SNX29: variants seen among roughly 807,000 people sequenced by gnomAD.
The protein encoded by SNX29 is sorting nexin 29.
A neutral mutation model predicts 102.1 loss-of-function variants in SNX29; 78 were observed. That is an observed-to-expected ratio of 0.76 (90% CI 0.64 to 0.92). SNX29 has a LOEUF of 0.92. Among genes scored for constraint, SNX29 ranks in the 40% least tolerant of loss-of-function variants. The probability of loss-of-function intolerance (pLI) is 0.00; values close to 1 mark genes in which losing one functional copy is unlikely to be tolerated. For missense variants in SNX29, 1,280 were observed against 1,061.7 expected (o/e 1.21, Z -2.86); for synonymous variants, 580 against 414.5 (o/e 1.40, Z -4.85).
chr16:12,135,409 C>G, intron 13 of SNX29: 4 of 788,776 alleles, frequency 5.1e-6, no homozygotes, highest in Non-Finnish European at 7.3e-6. Flanking sequence ...GGATGGCAGC[C>G]CACCCAGGCC....
intron 11 of SNX29, among the ~76,000 whole-genome samples, chr16:12,123,299 A>G (rs1183828030): frequency 6.6e-6 from 1 of 152,046 alleles, no homozygotes; most frequent in Non-Finnish European, 1.5e-5. Flanking sequence ...AGGACACTCA[A>G]AGTCTGCTCT....
At chr16:12,566,993 A>G (rs17821897) in intron 20 of SNX29, among the ~76,000 whole-genome samples, 15,786 of 152,320 alleles carry the variant, frequency 0.1, 1,038 homozygotes, top group South Asian at 0.14. Flanking sequence ...GTCCCTGGAA[A>G]GGTGCAACGC....
intron 11 of SNX29, among the ~76,000 whole-genome samples, chr16:12,110,396 AC>A (rs1325365009): frequency 6.6e-6 from 1 of 152,176 alleles, no homozygotes; most frequent in African/African-American, 2.4e-5. Flanking sequence ...CTTAGAACAG[AC>A]TTTTTCCTTT....
At chr16:12,349,635 A>T (rs1390191482) in intron 15 of SNX29, among the ~76,000 whole-genome samples, 1 of 152,182 alleles carries the variant, frequency 6.6e-6, no homozygotes, top group African/African-American at 2.4e-5. Context: ...TCAAAATCCA[A>T]AATACTTCTG....
At chr16:12,320,743 C>T (rs2080905409) in intron 15 of SNX29, among the ~76,000 whole-genome samples, 1 of 152,140 alleles carries the variant, frequency 6.6e-6, no homozygotes, top group Non-Finnish European at 1.5e-5. Flanking sequence ...ACAACATCAC[C>T]ATGCATTGTG....
rs1041419307 is a variant in SNX29 at position 12,571,533 on chromosome 16, C to G, written c.*2904C>G. 1 of 873,884 alleles carries G rather than the reference C, an allele frequency of 1.1e-6. No homozygotes were observed. Among genetic ancestry groups the G allele is most frequent in the Non-Finnish European group, 1.4e-6 (1 of 705,142 alleles). 54.1% of individuals were successfully genotyped at this position (873,884 alleles called of 1,614,324 possible). On this transcript the variant is annotated 3_prime_UTR_variant, in exon 21 of 21. Transcript: ENST00000566228. ...AAGGGCCTTGGATTCCTGGGACCAC[C>G]CTTTGCTGGGAGGAAGAATCCACAC...
intron 19 of SNX29, among the ~76,000 whole-genome samples, chr16:12,510,025 G>C (rs2089543099): frequency 6.6e-6 from 1 of 152,230 alleles, no homozygotes; most frequent in Non-Finnish European, 1.5e-5. Context: ...TCTTTGGCTT[G>C]GTTCGCCCAG....
intron 14 of SNX29, among the ~76,000 whole-genome samples, chr16:12,200,325 C>A (rs537497050): frequency 1.2e-4 from 18 of 152,252 alleles, no homozygotes; most frequent in African/African-American, 4.3e-4. Flanking sequence ...CTTCTAAAAT[C>A]TCCTAAAATA....
At chr16:12,229,987 C>G (rs1209657031) in intron 14 of SNX29, among the ~76,000 whole-genome samples, 1 of 152,242 alleles carries the variant, frequency 6.6e-6, no homozygotes, top group African/African-American at 2.4e-5. Context: ...AGATGGGTCT[C>G]TGTCACAACT....
intron 20 of SNX29, chr16:12,557,509 ACAC>A (rs750151267): frequency 6.6e-6 from 1 of 152,218 alleles, no homozygotes; most frequent in South Asian, 2.1e-4. Flanking sequence ...TTACAGGAAC[ACAC>A]CACCTCTCCC....
chr16:12,143,873 TCCAG>T (rs1041247246), intron 13 of SNX29, among the ~76,000 whole-genome samples: 3 of 152,182 alleles, frequency 2.0e-5, no homozygotes, highest in African/African-American at 7.2e-5. Flanking sequence ...AATGGTTATG[TCCAG>T]GCTGCCCTCC....
chr16:12,544,382 CGTT>C (rs1354484824), intron 20 of SNX29, among the ~76,000 whole-genome samples: 1 of 152,118 alleles, frequency 6.6e-6, no homozygotes, highest in Non-Finnish European at 1.5e-5. Flanking sequence ...GAGTGGAAGG[CGTT>C]GTGAGGTGGT....
chr16:12,324,832 G>C (rs1039447017), intron 15 of SNX29, among the ~76,000 whole-genome samples: 8 of 152,106 alleles, frequency 5.3e-5, no homozygotes, highest in African/African-American at 1.9e-4. Context: ...AACCTCCCAG[G>C]CTACCCAAAC....
intron 20 of SNX29, among the ~76,000 whole-genome samples, chr16:12,539,412 G>C (rs184517289): frequency 2.6e-5 from 4 of 152,264 alleles, no homozygotes; most frequent in East Asian, 3.9e-4. Flanking sequence ...CCGTCAAGTC[G>C]TTGGGTGAGT....
chr16:12,553,828 C>T (rs980121453), intron 20 of SNX29, among the ~76,000 whole-genome samples: 3 of 151,848 alleles, frequency 2.0e-5, no homozygotes, highest in Non-Finnish European at 4.4e-5. Context: ...CCTTGTGATC[C>T]ACCCACCTAG....
chr16:12,527,109 C>T (rs1265900629), intron 20 of SNX29: 1 of 463,640 alleles, frequency 2.2e-6, no homozygotes, highest in Non-Finnish European at 4.2e-6. Context: ...AATAAAAGCT[C>T]TTTGGCTTTC....
At chr16:12,289,388 C>A (rs1345090777) in intron 15 of SNX29, among the ~76,000 whole-genome samples, 1 of 152,230 alleles carries the variant, frequency 6.6e-6, no homozygotes, top group African/African-American at 2.4e-5. Flanking sequence ...AATTGTGCCT[C>A]TGTGCAGGCA....
chr16:11,997,250 C>G (rs1031773122), intron 1 of SNX29, among the ~76,000 whole-genome samples: 1 of 152,156 alleles, frequency 6.6e-6, no homozygotes, highest in Non-Finnish European at 1.5e-5. Context: ...ACCTCCGAGC[C>G]TCTCCCCTTG....
chr16:12,277,771 A>G lies in SNX29; in HGVS notation c.1679-162A>G, dbSNP rs140214886. 4.1e-3 allele frequency among the ~76,000 whole-genome samples: 625 copies of G among 152,176 alleles called. 6 individuals are homozygous for G. The highest frequency in any genetic ancestry group is 4.8e-3 in the Non-Finnish European group (325 of 67,994). ...CTCGTTTTATTGTACTTAGGTGAAA[A>G]TGTCCCATTGTTGAAGTAGTTAGTA... is the stretch of plus-strand genomic sequence containing the variant. On this transcript the variant is annotated intron_variant, in intron 14 of 20. Transcript: ENST00000566228.
Sources: gnomAD v4.1 joint callset for allele counts (sites outside exome capture counted in the v4.1 genomes callset) on GRCh38, gnomAD v4.1.1 for gene constraint, MANE v1.5 for transcripts, NCBI Gene and HGNC (gene_info 2026-07-23, HGNC 2026-07-21) for gene names.